SAMD5: variants seen among roughly 807,000 people sequenced by gnomAD.
The protein encoded by SAMD5 is sterile alpha motif domain containing 5.
A neutral mutation model predicts 11.3 loss-of-function variants in SAMD5; 13 were observed. That is an observed-to-expected ratio of 1.15 (90% CI 0.75 to 1.83). SAMD5 has a LOEUF of 1.83. Ranked by LOEUF, SAMD5 falls within the 40% of genes most tolerant of loss-of-function variation. SAMD5 has a pLI of 0.00. For missense variants in SAMD5, 255 were observed against 239.1 expected, an observed-to-expected ratio of 1.07 and a Z score of -0.44; for synonymous variants, 129 against 111.3, an observed-to-expected ratio of 1.16 and a Z score of -1.00.
the SAMD5 span, among the ~76,000 whole-genome samples, chr6:147,832,200 A>T: frequency 2.0e-5 from 3 of 152,218 alleles, no homozygotes; most frequent in African/African-American, 7.2e-5. Context: ...ACGTTCAATT[A>T]TAAGAATTTT....
the SAMD5 span, among the ~76,000 whole-genome samples, chr6:147,902,992 C>CA: frequency 7.0e-3 from 1,061 of 152,204 alleles, 11 homozygotes; most frequent in African/African-American, 0.025. Context: ...ATACACCTTC[C>CA]AAAAATTCAT....
chr6:147,745,231 G>A, the SAMD5 span, among the ~76,000 whole-genome samples: 2 of 152,072 alleles, frequency 1.3e-5, no homozygotes, highest in African/African-American at 4.8e-5. Flanking sequence ...GATGAAATAA[G>A]ATTGTTCATG....
At chr6:147,790,742 CTCTCTCTCTCTCTT>C in the SAMD5 span, among the ~76,000 whole-genome samples, 59 of 123,892 alleles carry the variant, frequency 4.8e-4, 1 homozygote, top group Middle Eastern at 8.3e-3. Context: ...ATCTCTCTCT[CTCTCTCTCTCTCTT>C]TCTCTCTCTC....
intron 1 of SAMD5, among the ~76,000 whole-genome samples, chr6:147,538,810 T>C (rs772990093): frequency 6.6e-6 from 1 of 152,122 alleles, no homozygotes; most frequent in Non-Finnish European, 1.5e-5. Flanking sequence ...TTTTTAAAAC[T>C]GTCCTTATTT....
chr6:147,715,729 C>G (rs866377096), intron 1 of SAMD5, among the ~76,000 whole-genome samples: 1 of 152,138 alleles, frequency 6.6e-6, no homozygotes, highest in Non-Finnish European at 1.5e-5. Context: ...TGATGAGGAG[C>G]TTTACTGAGC....
At chr6:147,761,848 G>T in the SAMD5 span, among the ~76,000 whole-genome samples, 1 of 152,076 alleles carries the variant, frequency 6.6e-6, no homozygotes, top group Non-Finnish European at 1.5e-5. Context: ...GTGTAGCTGG[G>T]ATTACAGGCA....
chr6:147,768,452 C>T, the SAMD5 span, among the ~76,000 whole-genome samples: 6 of 151,962 alleles, frequency 3.9e-5, no homozygotes, highest in African/African-American at 1.4e-4. Flanking sequence ...GAGTAGAGAT[C>T]GCACCACTGC....
intron 1 of SAMD5, among the ~76,000 whole-genome samples, chr6:147,667,328 GA>G (rs556096412): frequency 2.2e-3 from 331 of 152,198 alleles, no homozygotes; most frequent in African/African-American, 7.5e-3. Flanking sequence ...GAAAAAGAAA[GA>G]AAGACATTAA....
chr6:147,700,419 T>C (rs1000552597), intron 1 of SAMD5, among the ~76,000 whole-genome samples: 1 of 152,184 alleles, frequency 6.6e-6, no homozygotes, highest in Non-Finnish European at 1.5e-5. Flanking sequence ...ATTTTTCTTA[T>C]CTAAGTCCCA....
intron 1 of SAMD5, among the ~76,000 whole-genome samples, chr6:147,662,536 G>C (rs1192001818): frequency 6.6e-6 from 1 of 152,200 alleles, no homozygotes; most frequent in Non-Finnish European, 1.5e-5. Flanking sequence ...CAAGGAACCT[G>C]GTCATGGAAT....
chr6:147,729,688 T>C (rs1791680874), intron 1 of SAMD5: 1 of 433,256 alleles, frequency 2.3e-6, no homozygotes, highest in South Asian at 1.6e-5. Flanking sequence ...CGAATGTGAG[T>C]AAAGATCTAA....
At chr6:147,779,683 C>T in the SAMD5 span, among the ~76,000 whole-genome samples, 1 of 152,142 alleles carries the variant, frequency 6.6e-6, no homozygotes, top group Non-Finnish European at 1.5e-5. Context: ...CAAATATTTT[C>T]AGCACAAGAC....
chr6:147,684,436 C>A (rs918279275), intron 1 of SAMD5, among the ~76,000 whole-genome samples: 1 of 152,084 alleles, frequency 6.6e-6, no homozygotes, highest in Non-Finnish European at 1.5e-5. Context: ...GTATACACAC[C>A]TACATATGCC....
intron 1 of SAMD5, among the ~76,000 whole-genome samples, chr6:147,645,960 T>C (rs928853479): frequency 3.9e-5 from 6 of 152,092 alleles, no homozygotes; most frequent in South Asian, 2.1e-4. Flanking sequence ...ATATGTCAAG[T>C]TCTGTGTCAA....
intron 1 of SAMD5, among the ~76,000 whole-genome samples, chr6:147,671,401 C>T (rs1790793790): frequency 6.6e-6 from 1 of 152,128 alleles, no homozygotes; most frequent in Admixed American, 6.5e-5. Context: ...TATCTGAAAA[C>T]TACAATAAAG....
Position 147,566,642 on chromosome 6 carries a change from C to G in SAMD5, c.*2186C>G, listed in dbSNP as rs1252935311. ...TTATTTTGCCAGGTTTAAACCTTCT[C>G]TCTGTGTCTGTGGTTAGAATTTGAA... is the stretch of plus-strand genomic sequence containing the variant. On this transcript the variant is annotated 3_prime_UTR_variant, in exon 2 of 2. Transcript: ENST00000367474. The G allele has an allele frequency of 2.0e-6, 2 of 980,742 alleles. No homozygotes were observed. The highest frequency in any genetic ancestry group is 1.1e-4 in the East Asian group (1 of 8,806). The allele number at this position is 980,742 out of a possible 1,614,324, so 60.8% of individuals were successfully genotyped here. A position where few individuals can be genotyped will look rare whatever the true frequency, so the allele number is the denominator to read the frequency against.
the SAMD5 span, among the ~76,000 whole-genome samples, chr6:147,914,991 G>A: frequency 1.9e-3 from 296 of 152,260 alleles, no homozygotes; most frequent in African/African-American, 6.9e-3. Context: ...ATCTGTTCCA[G>A]ATCAAAGCAG....
chr6:147,946,105 A>G, the SAMD5 span, among the ~76,000 whole-genome samples: 1 of 152,110 alleles, frequency 6.6e-6, no homozygotes, highest in African/African-American at 2.4e-5. Context: ...CTTTGCCTAT[A>G]CTCATATCAT....
intron 1 of SAMD5, among the ~76,000 whole-genome samples, chr6:147,514,663 G>A (rs749818887): frequency 1.3e-5 from 2 of 152,024 alleles, no homozygotes; most frequent in Non-Finnish European, 2.9e-5. Flanking sequence ...ACTTGTCAAA[G>A]CAAAAGGCAG....
Sources: allele counts gnomAD v4.1 joint callset (sites outside exome capture counted in the v4.1 genomes callset), GRCh38; gene constraint gnomAD v4.1.1; transcripts MANE v1.5; gene names NCBI Gene and HGNC (gene_info 2026-07-23, HGNC 2026-07-21).